CFAP95: variants seen among roughly 807,000 people sequenced by gnomAD.
CFAP95 encodes the protein cilia- and flagella-associated protein 95.
At chr9:69,895,367 C>G in the CFAP95 span, among the ~76,000 whole-genome samples, 35,743 of 108,326 alleles carry the variant, frequency 0.33, 5,038 homozygotes, top group Middle Eastern at 0.46. Context: ...CTCTCTCTCT[C>G]TCTGTGTGTG....
At chr9:69,859,581 C>T in the CFAP95 span, among the ~76,000 whole-genome samples, 10 of 152,170 alleles carry the variant, frequency 6.6e-5, no homozygotes, top group Non-Finnish European at 1.0e-4. Context: ...GATGGGGCTC[C>T]GAGCCTGTGA....
At chr9:69,865,013 C>T in the CFAP95 span, among the ~76,000 whole-genome samples, 1 of 152,060 alleles carries the variant, frequency 6.6e-6, no homozygotes, top group Non-Finnish European at 1.5e-5. Context: ...TCCCCATAAT[C>T]CCCATAATCC....
chr9:69,844,497 A>G, the CFAP95 span: 4 of 1,503,360 alleles, frequency 2.7e-6, no homozygotes, highest in Admixed American at 8.3e-5. Context: ...CTCTTAACGG[A>G]CTCCTAATTT....
At chr9:69,836,083 C>A in the CFAP95 span, among the ~76,000 whole-genome samples, 1 of 152,152 alleles carries the variant, frequency 6.6e-6, no homozygotes, top group African/African-American at 2.4e-5. Context: ...GTTTGAAGGA[C>A]TATGAGATTG....
chr9:69,867,344 T>C, the CFAP95 span, among the ~76,000 whole-genome samples: 3 of 152,240 alleles, frequency 2.0e-5, no homozygotes, highest in Admixed American at 6.5e-5. Flanking sequence ...ATTCTTTGTT[T>C]CCTGTAAGTC....
At chr9:69,844,208 A>G in the CFAP95 span, among the ~76,000 whole-genome samples, 1 of 152,170 alleles carries the variant, frequency 6.6e-6, no homozygotes, top group African/African-American at 2.4e-5. Flanking sequence ...TTTAGAACTT[A>G]CTGTTGGTAA....
At chr9:69,905,876 T>C in the CFAP95 span, 1 of 1,087,374 alleles carries the variant, frequency 9.2e-7, no homozygotes, top group Non-Finnish European at 1.2e-6. Context: ...GAATAATATA[T>C]GAAAAATAAA....
At chr9:69,870,852 T>A in the CFAP95 span, among the ~76,000 whole-genome samples, 1 of 152,102 alleles carries the variant, frequency 6.6e-6, no homozygotes, top group African/African-American at 2.4e-5. Context: ...AGCTGAGTCA[T>A]GAAGTCTGAG....
the CFAP95 span, chr9:69,820,964 C>G: frequency 1.2e-6 from 2 of 1,613,930 alleles, no homozygotes; most frequent in East Asian, 2.2e-5. Context: ...CTTGGTGGAG[C>G]GCAAGGGCTC....
chr9:69,895,361 C>CTGTGTGTGTGTG, the CFAP95 span, among the ~76,000 whole-genome samples: 10 of 91,794 alleles, frequency 1.1e-4, no homozygotes, highest in African/African-American at 3.8e-4. Context: ...CTCTCTCTCT[C>CTGTGTGTGTGTG]TCTCTCTCTG....
At chr9:69,837,169 T>C in the CFAP95 span, among the ~76,000 whole-genome samples, 1 of 152,160 alleles carries the variant, frequency 6.6e-6, no homozygotes, top group Non-Finnish European at 1.5e-5. Flanking sequence ...TTTGCTATTG[T>C]GAATAATGCC....
the CFAP95 span, among the ~76,000 whole-genome samples, chr9:69,843,607 TTCTTCTTCTTCTTCTTCTTCTTCCTCC>T: frequency 1.6e-4 from 11 of 67,544 alleles, no homozygotes; most frequent in Admixed American, 1.2e-3. Flanking sequence ...CTTCTTCTTC[TTCTTCTTCTTCTTCTTCTTCTTCCTCC>T]TCCTCCTCCT....
chr9:69,896,724 C>T, the CFAP95 span, among the ~76,000 whole-genome samples: 1 of 151,744 alleles, frequency 6.6e-6, no homozygotes, highest in Non-Finnish European at 1.5e-5. Context: ...AAAAAATATC[C>T]AATAGAAATA....
the CFAP95 span, among the ~76,000 whole-genome samples, chr9:69,853,676 T>C: frequency 1.3e-5 from 2 of 152,296 alleles, no homozygotes; most frequent in East Asian, 3.9e-4. Context: ...CACATTAAGA[T>C]GGTGTAGGAT....
At chr9:69,886,709 G>A in the CFAP95 span, 1 of 653,114 alleles carries the variant, frequency 1.5e-6, no homozygotes, top group Non-Finnish European at 2.6e-6. Context: ...CAGTTGTGGG[G>A]TTTTAAATTT....
the CFAP95 span, among the ~76,000 whole-genome samples, chr9:69,876,645 AT>A: frequency 6.6e-6 from 1 of 151,614 alleles, no homozygotes; most frequent in Non-Finnish European, 1.5e-5. Flanking sequence ...TTATTTTACT[AT>A]TTTTTTGAGA....
At chr9:69,870,367 T>C in the CFAP95 span, among the ~76,000 whole-genome samples, 1 of 152,166 alleles carries the variant, frequency 6.6e-6, no homozygotes, top group African/African-American at 2.4e-5. Flanking sequence ...ACCTAACTAA[T>C]AGCAGCTTGA....
At chr9:69,905,050 C>T in the CFAP95 span, among the ~76,000 whole-genome samples, 168 of 152,216 alleles carry the variant, frequency 1.1e-3, no homozygotes, top group South Asian at 1.7e-3. Context: ...ATAATTCATA[C>T]CTCAGAGCCC....
chr9:69,821,939 G>C, the CFAP95 span, among the ~76,000 whole-genome samples: 1 of 152,070 alleles, frequency 6.6e-6, no homozygotes, highest in Non-Finnish European at 1.5e-5. Flanking sequence ...AACTTCCCTC[G>C]TGTAAGTTCT....
Sources: gnomAD v4.1 joint callset for allele counts (sites outside exome capture counted in the v4.1 genomes callset) on GRCh38, gnomAD v4.1.1 for gene constraint, MANE v1.5 for transcripts, NCBI Gene and HGNC (gene_info 2026-07-23, HGNC 2026-07-21) for gene names.